The following ADAMTS17 variants were observed in gnomAD, a reference collection of about 807,000 sequenced individuals.
ADAMTS17 encodes the protein ADAM metallopeptidase with thrombospondin type 1 motif 17.
In ADAMTS17, 113 loss-of-function variants were observed where a neutral mutation model predicts 141.5. The ratio of observed to expected loss-of-function variants is 0.80; its 90% CI spans 0.69 to 0.93. ADAMTS17 has a LOEUF of 0.93. Ranked by LOEUF, ADAMTS17 falls within the 40% of genes least tolerant of loss-of-function variation. ADAMTS17 has a pLI of 0.00. For synonymous variants in ADAMTS17, 768 were observed against 630.6 expected (o/e 1.22, Z -3.27); for missense variants, 1,659 against 1,517.9 (o/e 1.09, Z -1.54).
chr15:100,115,137 T>G (rs1323467459), intron 13 of ADAMTS17, among the ~76,000 whole-genome samples: 1 of 152,104 alleles, frequency 6.6e-6, no homozygotes, highest in Non-Finnish European at 1.5e-5. Context: ...AGCTGAAGGT[T>G]CGGATTCAAG....
chr15:100,188,781 C>A (rs1203979098), intron 8 of ADAMTS17, among the ~76,000 whole-genome samples: 1 of 152,160 alleles, frequency 6.6e-6, no homozygotes, highest in Non-Finnish European at 1.5e-5. Flanking sequence ...CCAAAGCCAG[C>A]TGACAATCCC....
chr15:100,278,544 T>C (rs923827453), intron 4 of ADAMTS17, among the ~76,000 whole-genome samples: 4 of 150,380 alleles, frequency 2.7e-5, no homozygotes, highest in African/African-American at 9.7e-5. Flanking sequence ...TGAGGAAACA[T>C]GTGGGTCCAG....
intron 14 of ADAMTS17, among the ~76,000 whole-genome samples, chr15:100,102,880 G>C (rs867166249): frequency 1.3e-5 from 2 of 152,088 alleles, no homozygotes; most frequent in African/African-American, 4.8e-5. Context: ...CCTCGGACTT[G>C]TTTTCAGCCC....
At chr15:100,256,991 T>C (rs1334691568) in intron 6 of ADAMTS17, 1 of 152,564 alleles carries the variant, frequency 6.6e-6, no homozygotes, top group Non-Finnish European at 1.5e-5. Flanking sequence ...AGACATGTCA[T>C]GCTCACGTCC....
intron 10 of ADAMTS17, among the ~76,000 whole-genome samples, chr15:100,146,848 T>C (rs2038932089): frequency 9.6e-6 from 1 of 103,932 alleles, no homozygotes; most frequent in Admixed American, 1.0e-4. Flanking sequence ...TAGACCCCAG[T>C]CTCCCATAGC....
At chr15:100,081,110 G>T (rs2141817083) in intron 15 of ADAMTS17, among the ~76,000 whole-genome samples, 1 of 152,288 alleles carries the variant, frequency 6.6e-6, no homozygotes, top group East Asian at 1.9e-4. Flanking sequence ...CCCTTAATCT[G>T]GTGGGCACAA....
chr15:100,136,984 C>G (rs2038367247), intron 10 of ADAMTS17, among the ~76,000 whole-genome samples: 1 of 152,146 alleles, frequency 6.6e-6, no homozygotes, highest in Admixed American at 6.5e-5. Context: ...GATACAGACA[C>G]AAGGAAAGGC....
chr15:100,051,123 C>T (rs2032103753), intron 17 of ADAMTS17, among the ~76,000 whole-genome samples: 1 of 152,194 alleles, frequency 6.6e-6, no homozygotes, highest in Non-Finnish European at 1.5e-5. Flanking sequence ...CAGAACGTTT[C>T]ACCCGACTTG....
intron 10 of ADAMTS17, among the ~76,000 whole-genome samples, chr15:100,140,268 T>A (rs1240418832): frequency 6.6e-6 from 1 of 152,114 alleles, no homozygotes; most frequent in African/African-American, 2.4e-5. Context: ...AGTGCTGGGA[T>A]TACAGGCATG....
At chr15:100,108,328 T>C (rs1034361045) in intron 14 of ADAMTS17, among the ~76,000 whole-genome samples, 4 of 152,124 alleles carry the variant, frequency 2.6e-5, no homozygotes, top group African/African-American at 9.7e-5. Context: ...CATGCCACCA[T>C]GCCCGGCTAA....
intron 18 of ADAMTS17, among the ~76,000 whole-genome samples, chr15:100,042,868 T>C (rs2031372967): frequency 1.3e-5 from 2 of 152,204 alleles, no homozygotes; most frequent in South Asian, 2.1e-4. Flanking sequence ...GGGCAATGGT[T>C]GACCACGGGT....
intron 3 of ADAMTS17, among the ~76,000 whole-genome samples, chr15:100,322,471 C>T (rs1359734525): frequency 6.6e-6 from 1 of 152,198 alleles, no homozygotes; most frequent in Non-Finnish European, 1.5e-5. Context: ...AGCTAAAATA[C>T]TCTCCAGAGT....
chr15:100,180,476 TG>T (rs1011990928), intron 8 of ADAMTS17, among the ~76,000 whole-genome samples: 1 of 152,234 alleles, frequency 6.6e-6, no homozygotes, highest in African/African-American at 2.4e-5. Context: ...TCGTTCTTTT[TG>T]CTCAGGATAG....
rs1206422220 is a variant in ADAMTS17 at position 100,247,470 on chromosome 15, G to A, written c.1075+6666C>T. 2.0e-5 allele frequency among the ~76,000 whole-genome samples: 3 copies of A among 152,084 alleles called. No individual in the cohort carries two copies. The South Asian group carries it at 6.2e-4, about 32-fold the overall frequency. ...CCAACACCACTGTAACACAGAAAAC[G>A]CTGGCTCACTTGTGACGGAAATTCC... On this transcript the variant is annotated intron_variant, in intron 7 of 21. Transcript: ENST00000268070.
chr15:100,262,466 T>G (rs1329288603), intron 4 of ADAMTS17, 31 bp from the exon 5 acceptor site: 1 of 1,585,682 alleles, frequency 6.3e-7, no homozygotes, highest in South Asian at 1.1e-5. Flanking sequence ...AATAAAGATA[T>G]AAAGATAAAA....
intron 7 of ADAMTS17, among the ~76,000 whole-genome samples, chr15:100,209,076 A>G (rs2041690586): frequency 6.7e-6 from 1 of 149,054 alleles, no homozygotes; most frequent in African/African-American, 2.5e-5. Flanking sequence ...GGATGAATAC[A>G]ATGCAAGGCC....
chr15:100,095,369 G>A (rs1203347563), intron 15 of ADAMTS17, among the ~76,000 whole-genome samples: 1 of 152,162 alleles, frequency 6.6e-6, no homozygotes, highest in Non-Finnish European at 1.5e-5. Context: ...GCATCTAGAA[G>A]GAACGTTTCT....
intron 15 of ADAMTS17, among the ~76,000 whole-genome samples, chr15:100,077,018 C>T (rs2034424385): frequency 6.6e-6 from 1 of 151,940 alleles, no homozygotes; most frequent in Non-Finnish European, 1.5e-5. Context: ...AGAAACAACA[C>T]TGTATCATAT....
chr15:100,207,792 A>C (rs2041634652), intron 7 of ADAMTS17, among the ~76,000 whole-genome samples: 1 of 152,132 alleles, frequency 6.6e-6, no homozygotes, highest in Non-Finnish European at 1.5e-5. Context: ...GTCCATCAGG[A>C]GAAACTAAGG....
Sources: gnomAD v4.1 joint callset for allele counts (sites outside exome capture counted in the v4.1 genomes callset) on GRCh38, gnomAD v4.1.1 for gene constraint, MANE v1.5 for transcripts, NCBI Gene and HGNC (gene_info 2026-07-23, HGNC 2026-07-21) for gene names.